COP1: variants seen among roughly 807,000 people sequenced by gnomAD.
The protein encoded by COP1 is E3 ubiquitin-protein ligase COP1.
A neutral mutation model predicts 101.3 loss-of-function variants in COP1; 24 were observed. The observed-to-expected ratio is 0.24, with a 90% CI of 0.17 to 0.33. The LOEUF is 0.33. Among genes scored for constraint, COP1 ranks in the 10% least tolerant of loss-of-function variants. COP1 has a pLI of 1.00. For synonymous variants in COP1, 347 were observed against 341.9 expected (o/e 1.01, Z -0.17); for missense variants, 663 against 906.2 (o/e 0.73, Z 3.45).
intron 9 of COP1, among the ~76,000 whole-genome samples, chr1:176,108,227 A>C (rs1684667676): frequency 6.6e-6 from 1 of 152,200 alleles, no homozygotes; most frequent in Admixed American, 6.5e-5. Flanking sequence ...TAACTCTATA[A>C]AGTTCATACA....
intron 11 of COP1, among the ~76,000 whole-genome samples, chr1:176,049,029 A>G (rs8179270): frequency 0.75 from 112,001 of 149,570 alleles, 43,741 homozygotes; most frequent in East Asian, 0.92. Context: ...AAAATTAGCC[A>G]GGCGCGGTGG....
At chr1:176,063,296 A>G (rs1238369880) in intron 11 of COP1, among the ~76,000 whole-genome samples, 1 of 151,314 alleles carries the variant, frequency 6.6e-6, no homozygotes, top group Non-Finnish European at 1.5e-5. Flanking sequence ...TCCTGACCTC[A>G]TGATCCACCC....
intron 12 of COP1, 128 bp downstream of exon 12, chr1:176,046,053 T>A: frequency 4.2e-6 from 3 of 707,670 alleles, no homozygotes; most frequent in Non-Finnish European, 7.0e-6. Context: ...ATACTCTGTA[T>A]ACATAGTACA....
chr1:176,018,850 CCA>C (rs1233583894), intron 15 of COP1: 1 of 151,844 alleles, frequency 6.6e-6, no homozygotes, highest in Non-Finnish European at 1.5e-5. Context: ...CCAGCCTGGA[CCA>C]CAGAGTGAAG....
At chr1:176,132,490 A>C (rs1449348592) in intron 8 of COP1, among the ~76,000 whole-genome samples, 4 of 150,958 alleles carry the variant, frequency 2.6e-5, no homozygotes, top group African/African-American at 4.9e-5. Flanking sequence ...TACACAAACC[A>C]AGATGGGGGT....
At position 175,989,438 on chromosome 1, in the gene COP1, G is replaced by C. The variant is rs1357802652; in HGVS notation, c.1771C>G (p.Pro591Ala). 12 of 1,607,760 alleles carry C rather than the reference G, an allele frequency of 7.5e-6. No homozygotes were observed. The Admixed American group carries it at 1.7e-4, about 22-fold the overall frequency. Residue 591 changes from proline to alanine, a missense_variant, in exon 16 of 20, where the codon CCA becomes GCA. By Grantham distance (27) the Pro-to-Ala change is conservative. Around this residue, in one of 4 missense-constraint regions of COP1, gnomAD observed 209 missense variants for 383.3 expected, o/e 0.55. Transcript: ENST00000367669. The part of the protein sequence containing the change: ...HYYDLRNTKQ[P>A]IMVFKGHRKA... ...CGGTGTCCTTTGAATACCATGATTG[G>C]CTGTTTAGTGTTACGAAGATCATAG...
At chr1:176,139,350 A>G (rs1690311840) in intron 6 of COP1, among the ~76,000 whole-genome samples, 1 of 152,118 alleles carries the variant, frequency 6.6e-6, no homozygotes. Flanking sequence ...ATGTTTGTAC[A>G]CTGCTGGTGG....
chr1:176,164,581 T>C (rs1694813111), intron 3 of COP1, among the ~76,000 whole-genome samples: 1 of 152,142 alleles, frequency 6.6e-6, no homozygotes, highest in South Asian at 2.1e-4. Flanking sequence ...AAACCATGCC[T>C]TCATAAGGGG....
chr1:175,958,267 C>T (rs931864417), intron 18 of COP1, among the ~76,000 whole-genome samples: 4 of 151,960 alleles, frequency 2.6e-5, no homozygotes, highest in African/African-American at 9.7e-5. Flanking sequence ...CAATATTGGT[C>T]TTTAACAATT....
intron 18 of COP1, among the ~76,000 whole-genome samples, chr1:175,986,108 C>T (rs952925587): frequency 6.6e-6 from 1 of 152,178 alleles, no homozygotes; most frequent in African/African-American, 2.4e-5. Flanking sequence ...CAAGCTCTGC[C>T]TCGCGGGTTG....
chr1:176,192,544 C>A (rs1224635056), intron 1 of COP1, among the ~76,000 whole-genome samples: 1 of 152,086 alleles, frequency 6.6e-6, no homozygotes, highest in African/African-American at 2.4e-5. Flanking sequence ...TTTCCAATTC[C>A]TAAAACACAA....
At chr1:175,968,281 C>G (rs143137160) in intron 18 of COP1, 1 of 298,614 alleles carries the variant, frequency 3.3e-6, no homozygotes, top group African/African-American at 2.2e-5. Context: ...CCAGTTCAGA[C>G]GGATACAGAG....
At position 176,123,695 on chromosome 1, in the gene COP1, A is replaced by T. The variant is rs550141600; in HGVS notation, c.969-7014T>A. On this transcript the variant is annotated intron_variant, in intron 8 of 19. Transcript: ENST00000367669. Reference sequence around the variant, plus strand: ...ATTACAGAAGAATGTGTAACTTTACAGAGTAGAGTAAAAGAATTAAAAATC... The same window carrying T: ...ATTACAGAAGAATGTGTAACTTTACTGAGTAGAGTAAAAGAATTAAAAATC... 1.8e-4 allele frequency among the ~76,000 whole-genome samples: 28 copies of T among 152,360 alleles called. No individual in the cohort carries two copies. In the South Asian group the frequency reaches 3.9e-3, roughly 21 times the overall value.
intron 15 of COP1, among the ~76,000 whole-genome samples, chr1:175,994,681 A>T (rs189665183): frequency 3.7e-4 from 57 of 152,342 alleles, no homozygotes; most frequent in South Asian, 1.0e-3. Flanking sequence ...AATCAATTCA[A>T]CAAGAAGAGC....
chr1:176,005,656 G>A (rs1379163420), intron 15 of COP1, among the ~76,000 whole-genome samples: 1 of 152,192 alleles, frequency 6.6e-6, no homozygotes, highest in East Asian at 1.9e-4. Flanking sequence ...ATGAAGTTGA[G>A]CGGTTTTGAG....
chr1:175,993,838 G>A (rs1423271400), intron 15 of COP1, among the ~76,000 whole-genome samples: 3 of 152,186 alleles, frequency 2.0e-5, no homozygotes, highest in Non-Finnish European at 4.4e-5. Flanking sequence ...TTATCCAGGA[G>A]AACTTCCCCA....
intron 1 of COP1, among the ~76,000 whole-genome samples, chr1:176,204,707 T>C (rs961972759): frequency 1.3e-5 from 2 of 152,192 alleles, no homozygotes; most frequent in African/African-American, 4.8e-5. Context: ...GCAGATCACC[T>C]GAGGTCAGGA....
intron 6 of COP1, among the ~76,000 whole-genome samples, chr1:176,139,872 G>A (rs1275257394): frequency 6.6e-6 from 1 of 151,954 alleles, no homozygotes; most frequent in Non-Finnish European, 1.5e-5. Flanking sequence ...TGAGTGATGG[G>A]GTCAATCATA....
chr1:176,034,197 CCT>C (rs1393423004), intron 14 of COP1, among the ~76,000 whole-genome samples: 2 of 152,142 alleles, frequency 1.3e-5, no homozygotes, highest in African/African-American at 4.8e-5. Flanking sequence ...CATTTTTCCC[CCT>C]CTCTTCTCCC....
Sources: allele counts gnomAD v4.1 joint callset (sites outside exome capture counted in the v4.1 genomes callset), GRCh38; gene constraint gnomAD v4.1.1; regional missense constraint gnomAD v4.1.1; transcripts MANE v1.5; gene names NCBI Gene and HGNC (gene_info 2026-07-23, HGNC 2026-07-21).